NRG3: variants seen among roughly 807,000 people sequenced by gnomAD.
NRG3 encodes the protein neuregulin 3.
A neutral mutation model predicts 66.9 loss-of-function variants in NRG3; 31 were observed. That is an observed-to-expected ratio of 0.46 (90% confidence interval 0.35 to 0.63). NRG3 has a LOEUF of 0.63. Among genes scored for constraint, NRG3 ranks in the 20% least tolerant of loss-of-function variants. NRG3 has a pLI of 0.00. For synonymous variants in NRG3, 393 were observed against 359.4 expected, an observed-to-expected ratio of 1.09 and a Z score of -1.06; for missense variants, 910 against 878.9, an observed-to-expected ratio of 1.04 and a Z score of -0.45.
intron 2 of NRG3, among the ~76,000 whole-genome samples, chr10:82,548,252 T>C (rs1251371481): frequency 2.0e-5 from 3 of 152,024 alleles, no homozygotes; most frequent in Admixed American, 6.6e-5. Context: ...AAAGACCTCA[T>C]TAAAAGAGAC....
At chr10:82,234,644 T>C (rs2076667004) in intron 1 of NRG3, among the ~76,000 whole-genome samples, 1 of 152,218 alleles carries the variant, frequency 6.6e-6, no homozygotes, top group African/African-American at 2.4e-5. Flanking sequence ...AATAGAGCAA[T>C]CATTATTAAC....
At chr10:82,117,173 C>A (rs377281748) in intron 1 of NRG3, among the ~76,000 whole-genome samples, 4 of 152,086 alleles carry the variant, frequency 2.6e-5, no homozygotes, top group Non-Finnish European at 4.4e-5. Flanking sequence ...CTCCCCCAGG[C>A]GGAAATAGTT....
At position 82,553,034 on chromosome 10, in the gene NRG3, A is replaced by AACACAC. The variant is rs142641494; in HGVS notation, c.954-185522_954-185517dup. Reference sequence around the variant, plus strand: ...AAGTAGAGAAAAGTGATCACACACAAACACACACACACACACACACACACA... The same window carrying AACACAC: ...AAGTAGAGAAAAGTGATCACACACAAACACACACACACACACACACACACACACACA... On this transcript the variant is annotated intron_variant, in intron 2 of 8. Coordinates refer to ENST00000372141, the MANE Select transcript of NRG3 (RefSeq NM_001010848.4). Among the ~76,000 whole-genome samples the AACACAC allele has an allele frequency of 1.7e-3, 255 of 146,656 alleles. 2 individuals carry two copies. The highest frequency in any genetic ancestry group is 5.6e-3 in the African/African-American group (225 of 40,022).
intron 2 of NRG3, among the ~76,000 whole-genome samples, chr10:82,540,017 A>T (rs921406459): frequency 6.6e-6 from 1 of 152,132 alleles, no homozygotes; most frequent in African/African-American, 2.4e-5. Flanking sequence ...GAAACTTTGA[A>T]AACATCTTTT....
At chr10:82,424,467 T>C (rs1381399909) in intron 2 of NRG3, among the ~76,000 whole-genome samples, 1 of 152,070 alleles carries the variant, frequency 6.6e-6, no homozygotes, top group Non-Finnish European at 1.5e-5. Flanking sequence ...TTCAAATTAT[T>C]TTCCTATTTA....
chr10:82,675,817 TG>T (rs905866624), intron 2 of NRG3, among the ~76,000 whole-genome samples: 7 of 152,252 alleles, frequency 4.6e-5, no homozygotes, highest in African/African-American at 1.4e-4. Context: ...TTATAATTTT[TG>T]CAAAGGCAGT....
At chr10:82,686,345 G>A (rs1481979898) in intron 2 of NRG3, among the ~76,000 whole-genome samples, 6 of 151,802 alleles carry the variant, frequency 4.0e-5, no homozygotes, top group African/African-American at 9.7e-5. Context: ...CCACCGCTAC[G>A]CCTGGCTAAT....
chr10:82,588,704 T>C (rs1457095611), intron 2 of NRG3, among the ~76,000 whole-genome samples: 5 of 152,108 alleles, frequency 3.3e-5, no homozygotes, highest in Admixed American at 6.5e-5. Flanking sequence ...GGTTTCACTG[T>C]GTTAGCCAGG....
intron 4 of NRG3, among the ~76,000 whole-genome samples, chr10:82,924,430 A>G (rs193168704): frequency 8.5e-4 from 130 of 152,248 alleles, no homozygotes; most frequent in African/African-American, 3.0e-3. Context: ...GGTGGTAATG[A>G]GGAAGGGGTA....
At chr10:82,517,672 TGTG>T (rs1845813948) in intron 2 of NRG3, among the ~76,000 whole-genome samples, 1 of 48,670 alleles carries the variant, frequency 2.1e-5, no homozygotes, top group Non-Finnish European at 3.4e-5. Context: ...TGTGTGTGCA[TGTG>T]TGTGTGTGTG....
At chr10:82,127,627 A>G (rs1259086349) in intron 1 of NRG3, among the ~76,000 whole-genome samples, 1 of 151,946 alleles carries the variant, frequency 6.6e-6, no homozygotes, top group East Asian at 1.9e-4. Flanking sequence ...TGCACAGTAA[A>G]CCTGAGTGGA....
At chr10:82,697,202 T>C (rs971414615) in intron 2 of NRG3, among the ~76,000 whole-genome samples, 2 of 152,214 alleles carry the variant, frequency 1.3e-5, no homozygotes, top group African/African-American at 4.8e-5. Flanking sequence ...TTGAATTCAA[T>C]TGGCATAAAA....
intron 6 of NRG3, among the ~76,000 whole-genome samples, chr10:82,967,708 A>T (rs1851338230): frequency 1.3e-5 from 2 of 152,310 alleles, no homozygotes; most frequent in Admixed American, 1.3e-4. Context: ...TTACTACAGG[A>T]GTAGGCAATT....
chr10:82,081,025 G>A (rs371379525), intron 1 of NRG3, among the ~76,000 whole-genome samples: 7 of 151,748 alleles, frequency 4.6e-5, no homozygotes, highest in Non-Finnish European at 7.4e-5. Context: ...CCAAGTAATC[G>A]TCACTGCAAT....
At chr10:81,903,041 C>T (rs907578940) in intron 1 of NRG3, among the ~76,000 whole-genome samples, 11 of 152,118 alleles carry the variant, frequency 7.2e-5, no homozygotes, top group Admixed American at 2.6e-4. Flanking sequence ...AATTAAGTTT[C>T]GGGCCCAAGT....
chr10:82,879,243 A>G (rs933260924), intron 4 of NRG3, among the ~76,000 whole-genome samples: 2 of 152,280 alleles, frequency 1.3e-5, no homozygotes, highest in African/African-American at 4.8e-5. Flanking sequence ...TAAAAGCTCA[A>G]TGAATACTTA....
chr10:82,048,629 T>G (rs200664490), intron 1 of NRG3, among the ~76,000 whole-genome samples: 1 of 150,778 alleles, frequency 6.6e-6, no homozygotes, highest in Non-Finnish European at 1.5e-5. Context: ...TAGCACTAAA[T>G]GCCCACAAGA....
At chr10:82,756,502 C>CACTAAA (rs774846073) in intron 3 of NRG3, among the ~76,000 whole-genome samples, 2 of 152,058 alleles carry the variant, frequency 1.3e-5, no homozygotes, top group Non-Finnish European at 2.9e-5. Context: ...TCGTAGTATA[C>CACTAAA]ACTAACTGCA....
intron 1 of NRG3, among the ~76,000 whole-genome samples, chr10:81,950,713 A>G (rs1849273621): frequency 6.6e-6 from 1 of 152,160 alleles, no homozygotes; most frequent in Non-Finnish European, 1.5e-5. Flanking sequence ...TATTACTGGC[A>G]TGTTCATGGT....
Sources: allele counts gnomAD v4.1 joint callset (sites outside exome capture counted in the v4.1 genomes callset), GRCh38; gene constraint gnomAD v4.1.1; transcripts MANE v1.5; gene names NCBI Gene and HGNC (gene_info 2026-07-23, HGNC 2026-07-21).